NAALADL2: variants seen among roughly 807,000 people sequenced by gnomAD.
The protein encoded by NAALADL2 is inactive N-acetylated-alpha-linked acidic dipeptidase-like protein 2.
In NAALADL2, 76 loss-of-function variants were observed where a neutral mutation model predicts 87.2. The observed-to-expected ratio is 0.87, with a 90% CI of 0.72 to 1.05. The LOEUF (loss-of-function observed/expected upper bound fraction) is 1.05. Ranked by LOEUF, NAALADL2 falls within the 50% of genes least tolerant of loss-of-function variation. The pLI, the probability that NAALADL2 is intolerant of heterozygous loss-of-function variation, is 0.00. For synonymous variants in NAALADL2, 354 were observed against 331.0 expected (o/e 1.07, Z -0.75); for missense variants, 1,089 against 945.8 (o/e 1.15, Z -1.99).
chr3:174,555,928 G>A (rs1712740408), intron 2 of NAALADL2, among the ~76,000 whole-genome samples: 2 of 151,330 alleles, frequency 1.3e-5, no homozygotes, highest in South Asian at 4.2e-4. Flanking sequence ...CCACCCCATC[G>A]ATGTTATTTG....
intron 3 of NAALADL2, among the ~76,000 whole-genome samples, chr3:174,851,912 G>A (rs1200783415): frequency 1.1e-4 from 16 of 152,186 alleles, no homozygotes; most frequent in Admixed American, 7.2e-4. Context: ...GGGATGCAAC[G>A]ATGGTTCAAC....
intron 2 of NAALADL2, among the ~76,000 whole-genome samples, chr3:175,154,694 C>T (rs950970317): frequency 2.0e-5 from 3 of 152,040 alleles, no homozygotes; most frequent in South Asian, 2.1e-4. Context: ...AACTTGTCAT[C>T]GTGTTTGCTA....
intron 9 of NAALADL2, among the ~76,000 whole-genome samples, chr3:175,486,904 A>G (rs1442518421): frequency 3.3e-5 from 5 of 152,028 alleles, no homozygotes; most frequent in African/African-American, 9.7e-5. Flanking sequence ...ATGCAACTGT[A>G]TCTTGCCACC....
intron 2 of NAALADL2, among the ~76,000 whole-genome samples, chr3:175,173,096 G>GCCTGGGCGACATGGCTAAA (rs1560118201): frequency 2.0e-5 from 3 of 151,764 alleles, no homozygotes; most frequent in Non-Finnish European, 4.4e-5. Context: ...TTCAGGATAA[G>GCCTGGGCGACATGGCTAAA]CCTGGGCGAC....
intron 2 of NAALADL2, among the ~76,000 whole-genome samples, chr3:174,660,723 A>G (rs704994): frequency 0.75 from 114,053 of 152,004 alleles, 43,165 homozygotes; most frequent in East Asian, 0.9. Flanking sequence ...AAAGGAATAC[A>G]TTGTACTTTT....
At chr3:175,053,181 A>G (rs1457649764) in intron 1 of NAALADL2, among the ~76,000 whole-genome samples, 1 of 152,180 alleles carries the variant, frequency 6.6e-6, no homozygotes, top group Non-Finnish European at 1.5e-5. Context: ...AGCATGTGTA[A>G]CTATGTCATA....
intron 13 of NAALADL2, among the ~76,000 whole-genome samples, chr3:175,757,949 T>C (rs1331473211): frequency 1.3e-5 from 2 of 152,110 alleles, no homozygotes; most frequent in Admixed American, 6.5e-5. Context: ...ACAAATTATA[T>C]GTAAAGAACA....
intron 1 of NAALADL2, among the ~76,000 whole-genome samples, chr3:174,443,161 C>T (rs1233978697): frequency 1.3e-5 from 2 of 152,192 alleles, no homozygotes; most frequent in Admixed American, 1.3e-4. Flanking sequence ...TCTAACACAT[C>T]TGTTTGATAC....
chr3:175,548,620 T>C (rs1377898858), intron 9 of NAALADL2, among the ~76,000 whole-genome samples: 1 of 152,034 alleles, frequency 6.6e-6, no homozygotes, highest in Non-Finnish European at 1.5e-5. Context: ...TAAATTGTTG[T>C]TTTATGTACT....
At chr3:174,710,230 C>CTTTTTTTTTTTTTTTTTTTTT (rs57899491) in intron 2 of NAALADL2, among the ~76,000 whole-genome samples, 1 of 136,346 alleles carries the variant, frequency 7.3e-6, no homozygotes, top group African/African-American at 2.7e-5. Context: ...TATGAGCCTC[C>CTTTTTTTTTTTTTTTTTTTTT]TTTTTTTTTT....
chr3:175,660,103 A>G (rs1222979403), intron 11 of NAALADL2, among the ~76,000 whole-genome samples: 3 of 152,110 alleles, frequency 2.0e-5, no homozygotes, highest in African/African-American at 7.2e-5. Flanking sequence ...GAAAAGAGCC[A>G]ACAAGCCTCT....
intron 2 of NAALADL2, among the ~76,000 whole-genome samples, chr3:174,719,606 T>C (rs1731518709): frequency 6.6e-6 from 1 of 152,218 alleles, no homozygotes; most frequent in Non-Finnish European, 1.5e-5. Flanking sequence ...GTATATATCA[T>C]GACTGTTTGT....
intron 2 of NAALADL2, among the ~76,000 whole-genome samples, chr3:175,223,094 CTGTGTGTGTGTGTGTGTG>C (rs71626203): frequency 3.4e-5 from 5 of 147,488 alleles, no homozygotes; most frequent in African/African-American, 5.0e-5. Context: ...CATAGTTACT[CTGTGTGTGTGTGTGTGTG>C]TGTGTGTGTG....
rs993280605 is a variant in NAALADL2, at chr3:174,839,293, G to A, written c.-9+101547G>A. Among the ~76,000 whole-genome samples the A allele has an allele frequency of 7.2e-5, 11 of 152,112 alleles. No homozygotes were observed. The East Asian group carries it at 7.7e-4, about 11-fold the overall frequency. On this transcript the variant is annotated intron_variant, in intron 3 of 3. Coordinates refer to the NAALADL2 transcript ENST00000434257. ...TACTGGGATAATTGGCTAGCCACAC[G>A]TAGGAAAATGAAACTGGATTCTGTT...
chr3:175,001,486 T>C (rs534471145), intron 1 of NAALADL2, among the ~76,000 whole-genome samples: 11 of 152,200 alleles, frequency 7.2e-5, no homozygotes, highest in Non-Finnish European at 1.5e-4. Flanking sequence ...CATATTTTTC[T>C]TGGTTTAAAT....
intron 4 of NAALADL2, among the ~76,000 whole-genome samples, chr3:175,265,380 A>G (rs997430339): frequency 1.3e-5 from 2 of 151,728 alleles, no homozygotes; most frequent in African/African-American, 4.8e-5. Context: ...TTAAGAAACA[A>G]ACAAATAAAT....
At chr3:175,592,873 A>C (rs1721718635) in intron 10 of NAALADL2, among the ~76,000 whole-genome samples, 1 of 152,040 alleles carries the variant, frequency 6.6e-6, no homozygotes, top group Non-Finnish European at 1.5e-5. Flanking sequence ...CATGTACCCT[A>C]AAACTTAAAG....
intron 13 of NAALADL2, among the ~76,000 whole-genome samples, chr3:175,800,917 C>T (rs745460527): frequency 6.6e-6 from 1 of 151,972 alleles, no homozygotes; most frequent in Non-Finnish European, 1.5e-5. Flanking sequence ...TATCAGAAGC[C>T]GATTGGACAT....
intron 1 of NAALADL2, among the ~76,000 whole-genome samples, chr3:175,027,659 C>T (rs1377940355): frequency 6.6e-6 from 1 of 152,010 alleles, no homozygotes; most frequent in Non-Finnish European, 1.5e-5. Context: ...GATATATGCT[C>T]TTTAAAGTTA....
Sources: allele counts gnomAD v4.1 joint callset (sites outside exome capture counted in the v4.1 genomes callset), GRCh38; gene constraint gnomAD v4.1.1; transcripts MANE v1.5; gene names NCBI Gene and HGNC (gene_info 2026-07-23, HGNC 2026-07-21).